Variants in SYTL3 observed in about 807,000 individuals in gnomAD.
SYTL3 encodes the protein synaptotagmin-like protein 3.
In SYTL3, 88 loss-of-function variants were observed where a neutral mutation model predicts 82.1. The observed-to-expected ratio is 1.07, with a 90% CI of 0.90 to 1.28. The LOEUF (loss-of-function observed/expected upper bound fraction) is 1.28, where lower values mean the gene tolerates loss of function less well. SYTL3 is among the 50% of genes most tolerant of loss of function. The pLI is 0.00. For synonymous variants in SYTL3, 311 were observed against 289.4 expected (o/e 1.07, Z -0.76); for missense variants, 831 against 757.6 (o/e 1.10, Z -1.14).
upstream of SYTL3, among the ~76,000 whole-genome samples, chr6:158,645,695 T>C (rs544126691): frequency 1.3e-5 from 2 of 152,180 alleles, no homozygotes; most frequent in Non-Finnish European, 2.9e-5. Flanking sequence ...ACCATCGGAC[T>C]GTAACCTGGT....
intron 8 of SYTL3, 54 bp from the exon 9 acceptor site, chr6:158,713,746 C>G (rs1485228381): frequency 7.4e-7 from 1 of 1,359,404 alleles, no homozygotes; most frequent in Non-Finnish European, 1.0e-6. Flanking sequence ...ACTGCTGAGG[C>G]AAACACAAGT....
In SYTL3 at chr6:158,757,216, G is replaced by C; in HGVS notation, c.1143G>C (p.Gln381His). Residue 381 changes from glutamine to histidine, a missense_variant, in exon 14 of 18, where the codon CAG becomes CAC. Transcript: ENST00000611299. ...TCTCTTCCTTGCCTCTGCAGTATCAGGTGGCCCCTGCCCAGCTGGTGACCC... is the reference window on the plus strand; with the variant it reads ...TCTCTTCCTTGCCTCTGCAGTATCACGTGGCCCCTGCCCAGCTGGTGACCC... The part of the protein sequence containing the change: ...DPTFQETLKY[Q>H]VAPAQLVTRQ... 1 of 1,609,486 alleles carries C rather than the reference G, an allele frequency of 6.2e-7. No homozygotes were observed. The highest frequency in any genetic ancestry group is 8.5e-7 in the Non-Finnish European group (1 of 1,179,766).
intron 11 of SYTL3, among the ~76,000 whole-genome samples, chr6:158,736,961 G>GA (rs1188516392): frequency 6.6e-6 from 1 of 151,092 alleles, no homozygotes; most frequent in Non-Finnish European, 1.5e-5. Flanking sequence ...CTTAAGCTGA[G>GA]AGTGGGCATG....
chr6:158,741,847 CAT>C (rs1786970071), intron 11 of SYTL3, among the ~76,000 whole-genome samples: 1 of 152,194 alleles, frequency 6.6e-6, no homozygotes, highest in Non-Finnish European at 1.5e-5. Context: ...GCTGAACAAT[CAT>C]AGAATGGTCA....
intron 6 of SYTL3, among the ~76,000 whole-genome samples, chr6:158,695,758 A>G (rs774573268): frequency 6.6e-6 from 1 of 152,198 alleles, no homozygotes; most frequent in South Asian, 2.1e-4. Flanking sequence ...GGTACCACAT[A>G]TAAGTGGAAT....
intron 5 of SYTL3, among the ~76,000 whole-genome samples, chr6:158,680,593 A>AAAAAAAAAC (rs1554246974): frequency 6.6e-6 from 1 of 151,374 alleles, no homozygotes; most frequent in Non-Finnish European, 1.5e-5. Context: ...AAAAAAAAAA[A>AAAAAAAAAC]ACACAAAAAT....
intron 13 of SYTL3, among the ~76,000 whole-genome samples, chr6:158,753,264 G>A (rs1026309756): frequency 4.0e-5 from 6 of 151,586 alleles, no homozygotes; most frequent in African/African-American, 4.8e-5. Flanking sequence ...TGTGTTTTTA[G>A]TACAGATGGG....
At chr6:158,708,289 A>G (rs1291311978) in intron 7 of SYTL3, 33 bp from the exon 8 acceptor site, 3 of 1,564,604 alleles carry the variant, frequency 1.9e-6, no homozygotes, top group Admixed American at 1.7e-5. Context: ...ATGGTTCACA[A>G]CCCATTTCTT....
intron 1 of SYTL3, among the ~76,000 whole-genome samples, chr6:158,651,314 C>G (rs917340725): frequency 1.3e-5 from 2 of 152,020 alleles, no homozygotes; most frequent in African/African-American, 4.8e-5. Context: ...AATTCTCGGC[C>G]GGGTGTGATG....
chr6:158,662,175 T>C (rs997036152), intron 3 of SYTL3, among the ~76,000 whole-genome samples: 4 of 152,210 alleles, frequency 2.6e-5, no homozygotes, highest in African/African-American at 9.6e-5. Flanking sequence ...TGAAAGGACG[T>C]CTTATCACTA....
intron 15 of SYTL3, among the ~76,000 whole-genome samples, 168 bp from the exon 16 acceptor site, chr6:158,761,908 G>C (rs374523288): frequency 6.6e-6 from 1 of 152,084 alleles, no homozygotes; most frequent in African/African-American, 2.4e-5. Context: ...CAGCGCCACA[G>C]CCTGTGGGCA....
At chr6:158,702,942 C>G (rs1279842974) in intron 6 of SYTL3, among the ~76,000 whole-genome samples, 1 of 151,990 alleles carries the variant, frequency 6.6e-6, no homozygotes, top group African/African-American at 2.4e-5. Flanking sequence ...ATCACAAGGT[C>G]AGGAGATCGA....
chr6:158,645,500 G>A (rs1045470400), upstream of SYTL3, among the ~76,000 whole-genome samples: 1 of 152,154 alleles, frequency 6.6e-6, no homozygotes, highest in African/African-American at 2.4e-5. Flanking sequence ...GTTTCGTCAT[G>A]CACTTGAATT....
chr6:158,650,898 C>T (rs1337911933), intron 1 of SYTL3, among the ~76,000 whole-genome samples: 3 of 152,074 alleles, frequency 2.0e-5, no homozygotes, highest in Non-Finnish European at 4.4e-5. Context: ...TGGCAGTGAG[C>T]CAAGATCCTG....
Position 158,745,633 on chromosome 6 carries a change from G to T in SYTL3, c.1009G>T (p.Glu337Ter). Residue 337 changes from glutamate to a stop codon, truncating the protein, a stop_gained, in exon 12 of 18, where the codon GAA (glutamate) becomes TAA (stop). Coordinates refer to ENST00000611299, the MANE Select transcript of SYTL3 (RefSeq NM_001242394.2). LOFTEE classifies it high-confidence loss of function. ...IKACKNLAYG[E>*]EKKKKCNPYV... Reference sequence around the variant, plus strand: ...GGCCTGTAAGAACCTTGCCTATGGAGAAGAAAAGAAGAAAAAGTGCAATCC... The same window carrying T: ...GGCCTGTAAGAACCTTGCCTATGGATAAGAAAAGAAGAAAAAGTGCAATCC... 6.3e-7 allele frequency: 1 copy of T among 1,597,926 alleles called. No homozygotes were observed. The highest frequency in any genetic ancestry group is 2.2e-5 in the East Asian group (1 of 44,616).
intron 14 of SYTL3, among the ~76,000 whole-genome samples, chr6:158,758,610 G>T (rs1789479190): frequency 6.6e-6 from 1 of 152,122 alleles, no homozygotes; most frequent in African/African-American, 2.4e-5. Context: ...AGCTTCTCAG[G>T]TTTCAGCTGA....
At chr6:158,743,598 C>CTT (rs397887964) in intron 11 of SYTL3, among the ~76,000 whole-genome samples, 741 of 63,076 alleles carry the variant, frequency 0.012, 176 homozygotes, top group Non-Finnish European at 0.018. Context: ...CCAGTCCAAG[C>CTT]TTTTTTTTTT....
intron 10 of SYTL3, among the ~76,000 whole-genome samples, chr6:158,721,998 A>G (rs1438606542): frequency 1.3e-5 from 2 of 152,160 alleles, no homozygotes; most frequent in Non-Finnish European, 2.9e-5. Context: ...TGGGGAGCTC[A>G]CCAAAATTCC....
At chr6:158,751,189 G>C (rs1788339256) in intron 12 of SYTL3, among the ~76,000 whole-genome samples, 1 of 152,076 alleles carries the variant, frequency 6.6e-6, no homozygotes, top group African/African-American at 2.4e-5. Context: ...GATAGAGGAG[G>C]CTCACTGTGA....
Sources: allele counts gnomAD v4.1 joint callset (sites outside exome capture counted in the v4.1 genomes callset), GRCh38; gene constraint gnomAD v4.1.1; transcripts MANE v1.5; gene names NCBI Gene and HGNC (gene_info 2026-07-23, HGNC 2026-07-21).